Variants in BPIFC observed in about 807,000 individuals in gnomAD.
BPIFC encodes BPI fold-containing family C protein.
A neutral mutation model predicts 57.6 loss-of-function variants in BPIFC; 60 were observed. The ratio of observed to expected loss-of-function variants is 1.04; its 90% CI spans 0.85 to 1.29. The LOEUF (loss-of-function observed/expected upper bound fraction) is 1.29, where lower values mean the gene tolerates loss of function less well. BPIFC is among the 50% of genes most tolerant of loss of function. BPIFC has a pLI of 0.00. For synonymous variants in BPIFC, 243 were observed against 224.5 expected (o/e 1.08, Z -0.74); for missense variants, 581 against 600.5 (o/e 0.97, Z 0.34).
intron 16 of BPIFC, among the ~76,000 whole-genome samples, chr22:32,415,170 T>G (rs755644757): frequency 1.1e-4 from 16 of 152,148 alleles, no homozygotes; most frequent in Non-Finnish European, 2.2e-4. Flanking sequence ...GGGTTTGTGC[T>G]CCTATGAGAA....
Position 32,437,681 on chromosome 22 carries a change from G to A in BPIFC, c.747+79C>T, listed in dbSNP as rs192779703. 300 of 1,064,896 alleles carry A rather than the reference G, an allele frequency of 2.8e-4. 4 individuals are homozygous for A. The East Asian group carries it at 4.9e-3, about 17-fold the overall frequency. The allele number at this position is 1,064,896 out of a possible 1,614,324, so 66.0% of individuals were successfully genotyped here. A position where few individuals can be genotyped will look rare whatever the true frequency, so the allele number is the denominator to read the frequency against. ...GCTGGGATTACAGGTGTGAGGCACC[G>A]TGCCCAGTCCATAATCATTGTTTTC... On this transcript the variant is annotated intron_variant, in intron 9 of 16. Transcript: ENST00000300399.
At chr22:32,434,573 C>G (rs1209672039) in intron 10 of BPIFC, among the ~76,000 whole-genome samples, 4 of 151,616 alleles carry the variant, frequency 2.6e-5, no homozygotes, top group Non-Finnish European at 5.9e-5. Context: ...ATATTACAAT[C>G]TATCTATGTA....
chr22:32,436,157 G>C (rs1040473474), intron 9 of BPIFC, among the ~76,000 whole-genome samples: 1 of 152,090 alleles, frequency 6.6e-6, no homozygotes, highest in Non-Finnish European at 1.5e-5. Flanking sequence ...AGCCAGGTGT[G>C]GTGGCGCGTA....
chr22:32,443,759 T>G (rs1265831348), intron 7 of BPIFC, among the ~76,000 whole-genome samples: 1 of 152,200 alleles, frequency 6.6e-6, no homozygotes, highest in African/African-American at 2.4e-5. Context: ...AACATTTGCA[T>G]GGGGATGATA....
intron 13 of BPIFC, among the ~76,000 whole-genome samples, chr22:32,419,678 T>C (rs543929393): frequency 8.4e-4 from 128 of 151,828 alleles, no homozygotes; most frequent in African/African-American, 2.8e-3. Flanking sequence ...TGGTGACATG[T>C]GCCTGTAGTC....
chr22:32,423,841 A>T (rs1240951646), intron 13 of BPIFC, among the ~76,000 whole-genome samples: 1 of 151,940 alleles, frequency 6.6e-6, no homozygotes, highest in East Asian at 1.9e-4. Context: ...GTAATCTAAA[A>T]TATGTCTACT....
At chr22:32,457,500 A>G in intron 2 of BPIFC, 114 bp from the exon 3 acceptor site, 1 of 1,194,644 alleles carries the variant, frequency 8.4e-7, no homozygotes, top group Non-Finnish European at 1.2e-6. Flanking sequence ...AGAACTCAAT[A>G]CATCCATCCA....
At chr22:32,460,069 C>T (rs1403889873) in intron 2 of BPIFC, among the ~76,000 whole-genome samples, 2 of 151,832 alleles carry the variant, frequency 1.3e-5, no homozygotes, top group Admixed American at 1.3e-4. Context: ...TAAGGTGAGG[C>T]CATGGAGGTG....
intron 4 of BPIFC, among the ~76,000 whole-genome samples, chr22:32,449,722 G>C (rs1934830468): frequency 6.6e-6 from 1 of 151,354 alleles, no homozygotes; most frequent in Non-Finnish European, 1.5e-5. Context: ...CATACTGCTT[G>C]TGTACATGTA....
At chr22:32,447,871 A>G (rs1372571189) in intron 4 of BPIFC, among the ~76,000 whole-genome samples, 1 of 151,646 alleles carries the variant, frequency 6.6e-6, no homozygotes, top group African/African-American at 2.4e-5. Flanking sequence ...AGCCTCCCAA[A>G]GTGTTGGGAT....
chr22:32,457,462 G>A, intron 2 of BPIFC, 76 bp from the exon 3 acceptor site: 1 of 1,529,852 alleles, frequency 6.5e-7, no homozygotes, highest in South Asian at 1.2e-5. Context: ...AACATTTCTA[G>A]ATTTTCTCAT....
At chr22:32,443,704 C>G (rs1328966470) in intron 7 of BPIFC, among the ~76,000 whole-genome samples, 1 of 152,208 alleles carries the variant, frequency 6.6e-6, no homozygotes, top group Non-Finnish European at 1.5e-5. Context: ...GGTTGAATCC[C>G]TTGGCAAGTT....
At chr22:32,430,091 C>T (rs1013352850) in intron 13 of BPIFC, among the ~76,000 whole-genome samples, 3 of 152,146 alleles carry the variant, frequency 2.0e-5, no homozygotes, top group African/African-American at 4.8e-5. Flanking sequence ...CAATGATCTG[C>T]GTCTGTGGCC....
At chr22:32,451,558 T>G (rs1934895884) in intron 4 of BPIFC, among the ~76,000 whole-genome samples, 1 of 151,784 alleles carries the variant, frequency 6.6e-6, no homozygotes, top group Admixed American at 6.6e-5. Flanking sequence ...CAGGTTGGGG[T>G]AGGGTGGAGG....
At chr22:32,427,860 G>A (rs1042499102) in intron 13 of BPIFC, among the ~76,000 whole-genome samples, 3 of 152,150 alleles carry the variant, frequency 2.0e-5, no homozygotes, top group Non-Finnish European at 4.4e-5. Context: ...GGTGGCGTGC[G>A]CCTGTAGTCC....
intron 2 of BPIFC, among the ~76,000 whole-genome samples, chr22:32,458,586 T>G (rs1158615035): frequency 6.6e-6 from 1 of 152,320 alleles, no homozygotes; most frequent in African/African-American, 2.4e-5. Context: ...GCACCTTGAA[T>G]AGTGACTGGC....
intron 8 of BPIFC, among the ~76,000 whole-genome samples, chr22:32,441,974 T>G (rs1275055800): frequency 2.0e-5 from 3 of 152,242 alleles, no homozygotes; most frequent in Admixed American, 1.3e-4. Flanking sequence ...AATCTAATGC[T>G]GCCACTGATC....
intron 8 of BPIFC, among the ~76,000 whole-genome samples, chr22:32,441,854 C>T (rs893647400): frequency 2.0e-5 from 3 of 152,098 alleles, no homozygotes; most frequent in Non-Finnish European, 4.4e-5. Context: ...GGGATGGTTT[C>T]GGGATGAAAC....
chr22:32,460,968 A>G (rs1935147413), intron 2 of BPIFC, among the ~76,000 whole-genome samples: 2 of 152,190 alleles, frequency 1.3e-5, no homozygotes, highest in African/African-American at 4.8e-5. Flanking sequence ...ACCTTACTCT[A>G]TCATGTATTA....
Sources: gnomAD v4.1 joint callset for allele counts (sites outside exome capture counted in the v4.1 genomes callset) on GRCh38, gnomAD v4.1.1 for gene constraint, MANE v1.5 for transcripts, NCBI Gene and HGNC (gene_info 2026-07-23, HGNC 2026-07-21) for gene names.